The following TMEM232 variants were observed in gnomAD, a reference collection of about 807,000 sequenced individuals.
The protein encoded by TMEM232 is transmembrane protein 232.
TMEM232 carries 80 observed loss-of-function variants against 78.8 expected under a neutral mutation model. The ratio of observed to expected loss-of-function variants is 1.01; its 90% CI spans 0.85 to 1.22. The LOEUF (loss-of-function observed/expected upper bound fraction) is 1.22, where lower values mean the gene tolerates loss of function less well. Among genes scored for constraint, TMEM232 ranks in the 50% most tolerant of loss-of-function variants. The pLI, the probability that TMEM232 is intolerant of heterozygous loss-of-function variation, is 0.00. For missense variants in TMEM232, 881 were observed against 742.2 expected, an observed-to-expected ratio of 1.19 and a Z score of -2.17; for synonymous variants, 297 against 254.3, an observed-to-expected ratio of 1.17 and a Z score of -1.60.
chr5:110,628,066 C>CA (rs928040528), intron 5 of TMEM232, among the ~76,000 whole-genome samples, 186 bp from the exon 6 acceptor site: 4 of 151,788 alleles, frequency 2.6e-5, no homozygotes, highest in African/African-American at 7.3e-5. Flanking sequence ...CTAGTTCAGC[C>CA]AAAAAACTTT....
At chr5:110,545,500 A>T (rs964244195) in intron 11 of TMEM232, among the ~76,000 whole-genome samples, 1 of 152,084 alleles carries the variant, frequency 6.6e-6, no homozygotes, top group African/African-American at 2.4e-5. Context: ...ATTGATAAGT[A>T]TTTAAGGATC....
At chr5:110,562,013 G>A (rs1218125298) in intron 11 of TMEM232, among the ~76,000 whole-genome samples, 1 of 152,004 alleles carries the variant, frequency 6.6e-6, no homozygotes, top group Non-Finnish European at 1.5e-5. Context: ...CAATGAGCAA[G>A]GTGTGGTCGT....
In TMEM232 at chr5:110,627,862, A is replaced by C. The variant is rs1031569423; in HGVS notation, c.520T>G (p.Leu174Val). ...KLAKIGYLVF[L>V]RLFIFFLHGH... ...TGCAGGAAAAATATAAAAAGTCGTA[A>C]GAAGACCAAATAGCCAATCTGTCAA... is the stretch of plus-strand genomic sequence containing the variant. The change falls in exon 6 of 14, where the codon TTA becomes GTA. Residue 174 changes from leucine (L) to valine (V), a missense_variant. By Grantham distance (32) the Leu-to-Val change is conservative. Transcript: ENST00000455884. 6.5e-7 allele frequency: 1 copy of C among 1,531,936 alleles called. No individual in the cohort carries two copies. The highest frequency in any genetic ancestry group is 2.5e-5 in the East Asian group (1 of 40,548). 94.9% of individuals were successfully genotyped at this position (1,531,936 alleles called of 1,614,324 possible).
At chr5:110,507,764 G>A (rs1002785753) in intron 12 of TMEM232, among the ~76,000 whole-genome samples, 2 of 152,076 alleles carry the variant, frequency 1.3e-5, no homozygotes, top group African/African-American at 4.8e-5. Context: ...AGACCCTCAG[G>A]CATTTGAGAA....
chr5:110,724,877 C>T (rs182836805), intron 1 of TMEM232, among the ~76,000 whole-genome samples: 3 of 151,964 alleles, frequency 2.0e-5, no homozygotes, highest in Admixed American at 2.0e-4. Context: ...AAAAACTTGC[C>T]ATGTTATAGT....
intron 12 of TMEM232, among the ~76,000 whole-genome samples, chr5:110,527,376 G>C (rs1770752381): frequency 6.6e-6 from 1 of 151,704 alleles, no homozygotes. Context: ...TTCAAATATG[G>C]AGCAGGTATT....
intron 12 of TMEM232, among the ~76,000 whole-genome samples, chr5:110,491,636 T>A (rs563190809): frequency 4.1e-4 from 63 of 152,160 alleles, no homozygotes; most frequent in African/African-American, 1.5e-3. Context: ...AGATATATTT[T>A]GTGGTACATG....
At chr5:110,526,031 A>C (rs1318437982) in intron 12 of TMEM232, among the ~76,000 whole-genome samples, 2 of 146,510 alleles carry the variant, frequency 1.4e-5, no homozygotes, top group East Asian at 3.9e-4. Context: ...ACACCAAAAA[A>C]AAAAAAAAAA....
intron 11 of TMEM232, among the ~76,000 whole-genome samples, chr5:110,558,596 G>A (rs961338817): frequency 2.6e-5 from 4 of 152,080 alleles, no homozygotes; most frequent in African/African-American, 9.7e-5. Flanking sequence ...GGGGTGCTCA[G>A]ATAAGACTAG....
At chr5:110,679,384 C>G (rs895456578) in intron 1 of TMEM232, among the ~76,000 whole-genome samples, 4 of 151,906 alleles carry the variant, frequency 2.6e-5, no homozygotes, top group Non-Finnish European at 2.9e-5. Flanking sequence ...TTGTTTTTTT[C>G]TTTTCGAGTT....
At chr5:110,657,421 T>C (rs926990789) in intron 2 of TMEM232, among the ~76,000 whole-genome samples, 2 of 149,384 alleles carry the variant, frequency 1.3e-5, no homozygotes, top group Non-Finnish European at 3.0e-5. Flanking sequence ...TAGAATACTA[T>C]AAAGCCATAA....
chr5:110,565,085 TTTC>T (rs1445204108), intron 11 of TMEM232, among the ~76,000 whole-genome samples: 2 of 152,004 alleles, frequency 1.3e-5, no homozygotes, highest in African/African-American at 4.8e-5. Flanking sequence ...TTATTTTCAC[TTTC>T]TTCATCTGAA....
Position 110,420,610 on chromosome 5 carries a change from A to G in TMEM232, c.1944T>C (p.Tyr648=). Residue 648 remains tyrosine, a synonymous_variant, in exon 14 of 14, where the codon TAT becomes TAC. Transcript: ENST00000455884. Reference sequence around the variant, plus strand: ...TTACTTCCTTCCTATAAGGAAGTTCATAGGGCTTGGTTTGCTTATGTAGTT... The same window carrying G: ...TTACTTCCTTCCTATAAGGAAGTTCGTAGGGCTTGGTTTGCTTATGTAGTT... ...EEKLHKQTKP[Y]ELPYRKEVI is the part of the protein sequence containing the mutation. 6.7e-7 allele frequency: 1 copy of G among 1,491,324 alleles called. No homozygotes were observed. Among genetic ancestry groups the G allele is most frequent in the East Asian group, 2.6e-5 (1 of 38,492 alleles). 92.4% of individuals were successfully genotyped at this position (1,491,324 alleles called of 1,614,324 possible).
intron 2 of TMEM232, among the ~76,000 whole-genome samples, chr5:110,642,739 C>T (rs564354367): frequency 6.6e-6 from 1 of 152,120 alleles, no homozygotes; most frequent in African/African-American, 2.4e-5. Context: ...TTCATTTAAG[C>T]TAAACTTTTA....
chr5:110,714,508 A>T (rs890595072), intron 1 of TMEM232, among the ~76,000 whole-genome samples: 22 of 152,192 alleles, frequency 1.4e-4, no homozygotes, highest in Non-Finnish European at 2.2e-4. Flanking sequence ...CAGGCTATTA[A>T]TCCTTGAAAT....
chr5:110,513,209 T>C (rs1407973229), intron 12 of TMEM232, among the ~76,000 whole-genome samples: 1 of 152,184 alleles, frequency 6.6e-6, no homozygotes, highest in African/African-American at 2.4e-5. Context: ...GTACGAAGCA[T>C]AGTTCTGGCA....
chr5:110,708,648 T>C (rs923425458), intron 1 of TMEM232, among the ~76,000 whole-genome samples: 1 of 152,176 alleles, frequency 6.6e-6, no homozygotes, highest in Non-Finnish European at 1.5e-5. Flanking sequence ...ATCAGCACTG[T>C]TGTCATCAGT....
At chr5:110,532,185 T>C (rs932342700) in intron 11 of TMEM232, among the ~76,000 whole-genome samples, 20 of 152,114 alleles carry the variant, frequency 1.3e-4, no homozygotes, top group Non-Finnish European at 2.9e-4. Flanking sequence ...CGTATCCCAT[T>C]TGTGCAGGAT....
At chr5:110,395,783 T>A (rs1755362428) in intron 3 of TMEM232, among the ~76,000 whole-genome samples, 1 of 152,152 alleles carries the variant, frequency 6.6e-6, no homozygotes, top group Non-Finnish European at 1.5e-5. Flanking sequence ...TCTGGCCAAT[T>A]ATACGTACAT....
Sources: gnomAD v4.1 joint callset for allele counts (sites outside exome capture counted in the v4.1 genomes callset) on GRCh38, gnomAD v4.1.1 for gene constraint, MANE v1.5 for transcripts, NCBI Gene and HGNC (gene_info 2026-07-23, HGNC 2026-07-21) for gene names.